PLA2G4E: variants seen among roughly 807,000 people sequenced by gnomAD.
PLA2G4E encodes the protein phospholipase A2 group IVE.
Under a neutral mutation model 109.1 loss-of-function variants are expected in PLA2G4E, and 84 were observed. The ratio of observed to expected loss-of-function variants is 0.77; its 90% confidence interval spans 0.65 to 0.92. PLA2G4E has a LOEUF of 0.92. Among genes scored for constraint, PLA2G4E ranks in the 40% least tolerant of loss-of-function variants. The probability of loss-of-function intolerance (pLI) is 0.00; values close to 1 mark genes in which losing one functional copy is unlikely to be tolerated. For synonymous variants in PLA2G4E, 469 were observed against 436.1 expected (o/e 1.08, Z -0.94); for missense variants, 1,057 against 1,076.6 (o/e 0.98, Z 0.25).
At chr15:42,043,376 G>T (rs541420487) in intron 1 of PLA2G4E, among the ~76,000 whole-genome samples, 4 of 152,124 alleles carry the variant, frequency 2.6e-5, no homozygotes, top group African/African-American at 9.6e-5. Flanking sequence ...AGGTGGGCCT[G>T]TGGGCACCCG....
intron 5 of PLA2G4E, among the ~76,000 whole-genome samples, chr15:42,003,321 C>T (rs910612337): frequency 1.4e-4 from 22 of 152,160 alleles, no homozygotes; most frequent in African/African-American, 4.8e-4. Flanking sequence ...TGCAATGGCA[C>T]GGTCTGGGCT....
At chr15:41,989,698 G>T in intron 14 of PLA2G4E, 146 bp from the exon 15 acceptor site, 1 of 1,123,814 alleles carries the variant, frequency 8.9e-7, no homozygotes, top group Non-Finnish European at 1.2e-6. Flanking sequence ...GACACATGGG[G>T]GCACCCTTGG....
intron 1 of PLA2G4E, among the ~76,000 whole-genome samples, chr15:42,039,606 A>G (rs1889279018): frequency 6.6e-6 from 1 of 152,022 alleles, no homozygotes; most frequent in Non-Finnish European, 1.5e-5. Context: ...TTTAGGATAT[A>G]AGAAGACTGG....
At chr15:42,020,188 T>G (rs562525333) in intron 1 of PLA2G4E, among the ~76,000 whole-genome samples, 122 of 152,346 alleles carry the variant, frequency 8.0e-4, no homozygotes, top group African/African-American at 2.8e-3. Flanking sequence ...CAAAGTACTT[T>G]CAGGGCATCA....
chr15:42,000,350 A>T, intron 7 of PLA2G4E, 68 bp from the exon 8 acceptor site: 1 of 1,430,142 alleles, frequency 7.0e-7, no homozygotes, highest in Non-Finnish European at 9.4e-7. Context: ...TTGGTCCAGC[A>T]AAAAACCTAT....
At chr15:42,017,759 C>A (rs2068610170) in intron 1 of PLA2G4E, among the ~76,000 whole-genome samples, 1 of 152,222 alleles carries the variant, frequency 6.6e-6, no homozygotes, top group Admixed American at 6.5e-5. Context: ...AAATAACCAC[C>A]AAACTCTGAC....
At position 41,992,724 on chromosome 15, in the gene PLA2G4E, G is replaced by A. The variant is rs1260344587; in HGVS notation, c.1470+13C>T. On this transcript the variant is annotated intron_variant, in intron 13 of 19. Transcript: ENST00000399518. ...CAGGGCAGGGTGGGGCCCAGGAGAA[G>A]CCGAGCACCTACCTCGTCCCCCAGG... 1.2e-6 allele frequency: 2 copies of A among 1,609,282 alleles called. No homozygotes were observed. Among genetic ancestry groups the A allele is most frequent in the Non-Finnish European group, 8.5e-7 (1 of 1,177,806 alleles).
chr15:41,984,613 T>G (rs1372516665), exon 19 of PLA2G4E: 1 of 1,604,234 alleles, frequency 6.2e-7, no homozygotes, highest in South Asian at 1.1e-5. Flanking sequence ...CAGGTTTGTT[T>G]CAGGGGCTGG....
In PLA2G4E at chr15:42,042,238, C is replaced by T. The variant is rs141506114; in HGVS notation, c.183+8283G>A. Among the ~76,000 whole-genome samples, 663 of 151,950 alleles carry T rather than the reference C, an allele frequency of 4.4e-3. 3 individuals are homozygous for T. The highest frequency in any genetic ancestry group is 0.017 in the Middle Eastern group (5 of 294). On this transcript the variant is annotated intron_variant, in intron 1 of 19. Coordinates refer to ENST00000399518, the Ensembl canonical transcript of PLA2G4E. ...TGTAGAAATGACAAGTTTTACAATA[C>T]GAGCTTAATTTTACATATATCAATA...
intron 13 of PLA2G4E, among the ~76,000 whole-genome samples, chr15:41,991,218 A>G (rs2141028705): frequency 6.6e-6 from 1 of 152,236 alleles, no homozygotes; most frequent in South Asian, 2.1e-4. Flanking sequence ...CCTCTCAACA[A>G]CAACCCTGCC....
rs1318529858 is a variant in PLA2G4E at position 42,007,720 on chromosome 15, A to G, written c.393+9T>C. On this transcript the variant is annotated intron_variant, in intron 3 of 19. Coordinates refer to ENST00000399518, the Ensembl canonical transcript of PLA2G4E. Reference sequence around the variant, plus strand: ...ACAGGGAAGACAGGTGCAGTCCTCCATGTCTCACCTTCACTCGGCTCTGGA... The same window carrying G: ...ACAGGGAAGACAGGTGCAGTCCTCCGTGTCTCACCTTCACTCGGCTCTGGA... The G allele has an allele frequency of 6.2e-7, 1 of 1,610,484 alleles. No homozygotes were observed. Among genetic ancestry groups the G allele is most frequent in the Non-Finnish European group, 8.5e-7 (1 of 1,178,414 alleles).
chr15:42,008,181 C>T (rs953275291), intron 2 of PLA2G4E, among the ~76,000 whole-genome samples: 20 of 152,246 alleles, frequency 1.3e-4, no homozygotes, highest in African/African-American at 4.8e-4. Flanking sequence ...ACAGTTTTCC[C>T]TCTGCCAAGG....
intron 1 of PLA2G4E, among the ~76,000 whole-genome samples, chr15:42,025,391 A>G (rs1566847883): frequency 6.6e-6 from 1 of 152,038 alleles, no homozygotes; most frequent in East Asian, 1.9e-4. Flanking sequence ...AGTTTATCAG[A>G]GGCTTGGACT....
rs774835142 is a variant in PLA2G4E at position 41,988,118 on chromosome 15, C to T, written c.1762G>A (p.Ala588Thr). Residue 588 changes from alanine (A) to threonine (T), a missense_variant, in exon 16 of 20, where the codon GCC (alanine) becomes ACC (threonine). Coordinates refer to ENST00000399518, the Ensembl canonical transcript of PLA2G4E. ...TCCGAGGTGTGTGACAGGTTCCAGG[C>T]ATCCAGCAGGTTCAGGGAGAAGATG... The T allele has an allele frequency of 1.9e-6, 3 of 1,606,244 alleles. No homozygotes were observed. The South Asian group carries it at 3.4e-5, about 18-fold the overall frequency.
At chr15:41,987,221 C>T (rs780328198) in exon 17 of PLA2G4E, 4 of 1,613,900 alleles carry the variant, frequency 2.5e-6, no homozygotes, top group Non-Finnish European at 3.4e-6. Flanking sequence ...TGTGCAGCTG[C>T]AGCCCAGACA....
chr15:42,010,090 T>G lies in PLA2G4E; in HGVS notation c.257-2225A>C, dbSNP rs187245938. The G allele has an allele frequency of 6.0e-4, 301 of 500,808 alleles. 1 individual carries two copies. The highest frequency in any genetic ancestry group is 4.3e-4 in the Non-Finnish European group (106 of 249,124). The allele number at this position is 500,808 out of a possible 1,614,324, so 31.0% of individuals were successfully genotyped here. On this transcript the variant is annotated intron_variant, in intron 2 of 19. Coordinates refer to ENST00000399518, the Ensembl canonical transcript of PLA2G4E. ...ATAGGGAGACTCACCAGGAACCTGCTCAGCCCTCTTGAACCCTTCCCTTGG... is the reference window on the plus strand; with the variant it reads ...ATAGGGAGACTCACCAGGAACCTGCGCAGCCCTCTTGAACCCTTCCCTTGG...
intron 1 of PLA2G4E, among the ~76,000 whole-genome samples, chr15:42,045,218 G>A (rs1889392801): frequency 6.6e-6 from 1 of 152,172 alleles, no homozygotes; most frequent in South Asian, 2.1e-4. Flanking sequence ...GACCCTCTAC[G>A]ATGGGAGGTA....
intron 1 of PLA2G4E, among the ~76,000 whole-genome samples, chr15:42,040,564 C>T (rs942400275): frequency 1.9e-4 from 29 of 152,140 alleles, no homozygotes; most frequent in African/African-American, 7.0e-4. Context: ...TTCTCTATGT[C>T]AAAACACGTA....
At chr15:42,000,157 A>G in exon 8 of PLA2G4E, 1 of 1,595,438 alleles carries the variant, frequency 6.3e-7, no homozygotes. Flanking sequence ...GACTGGAAGT[A>G]CTTGGGGTAG....
Sources: allele counts gnomAD v4.1 joint callset (sites outside exome capture counted in the v4.1 genomes callset), GRCh38; gene constraint gnomAD v4.1.1; transcripts MANE v1.5; gene names NCBI Gene and HGNC (gene_info 2026-07-23, HGNC 2026-07-21).